Variants in PHLDB2 observed in about 807,000 individuals in gnomAD.
PHLDB2 encodes pleckstrin homology like domain family B member 2.
A neutral mutation model predicts 123.6 loss-of-function variants in PHLDB2; 71 were observed. The ratio of observed to expected loss-of-function variants is 0.57; its 90% CI spans 0.47 to 0.70. PHLDB2 has a LOEUF of 0.70. PHLDB2 is among the 30% of genes least tolerant of loss of function. The pLI is 0.00. For synonymous variants in PHLDB2, 547 were observed against 541.6 expected, an observed-to-expected ratio of 1.01 and a Z score of -0.14; for missense variants, 1,446 against 1,519.5, an observed-to-expected ratio of 0.95 and a Z score of 0.80.
At chr3:111,743,844 C>A (rs899925535) in intron 1 of PHLDB2, among the ~76,000 whole-genome samples, 4 of 152,162 alleles carry the variant, frequency 2.6e-5, no homozygotes, top group Non-Finnish European at 5.9e-5. Context: ...GTTGAATTTT[C>A]TGATTCTTTT....
chr3:111,826,491 AGGTACGTGGGCAAT>A (rs911099894), intron 1 of PHLDB2, among the ~76,000 whole-genome samples: 5 of 152,190 alleles, frequency 3.3e-5, no homozygotes, highest in African/African-American at 1.2e-4. Context: ...TAGTTTTCTT[AGGTACGTGGGCAAT>A]CCTAAACACT....
chr3:111,735,336 C>G (rs963901939), intron 1 of PHLDB2, among the ~76,000 whole-genome samples: 2 of 152,120 alleles, frequency 1.3e-5, no homozygotes, highest in Non-Finnish European at 2.9e-5. Flanking sequence ...GTCATTTGAG[C>G]AGTGAATGAG....
rs114460327 is a variant in PHLDB2, at chr3:111,954,105, G to A, written c.2872+76G>A. 2,179 of 1,340,914 alleles carry A rather than the reference G, an allele frequency of 1.6e-3. 29 individuals carry two copies. In the African/African-American group the frequency reaches 0.026, roughly 16 times the overall value. 83.1% of individuals were successfully genotyped at this position (1,340,914 alleles called of 1,614,324 possible). On this transcript the variant is annotated intron_variant, in intron 12 of 17. Coordinates refer to ENST00000431670, the MANE Select transcript of PHLDB2 (RefSeq NM_001134438.2). The stretch of plus-strand genomic sequence containing the variant: ...TCTTCAGGGGGAGGAAGTGAGAACA[G>A]GGGTAGGGATGATTAGAGGAGGGAT...
intron 1 of PHLDB2, among the ~76,000 whole-genome samples, chr3:111,778,069 T>C (rs1307535668): frequency 2.6e-5 from 4 of 152,118 alleles, no homozygotes. Flanking sequence ...TGGGCACTCA[T>C]ACAACCTCTC....
chr3:111,905,789 A>G (rs2067489596), intron 2 of PHLDB2, among the ~76,000 whole-genome samples: 1 of 152,226 alleles, frequency 6.6e-6, no homozygotes, highest in South Asian at 2.1e-4. Flanking sequence ...ATATTATGTT[A>G]CAACAGCTAT....
At chr3:111,768,138 T>C (rs1328594430) in intron 1 of PHLDB2, among the ~76,000 whole-genome samples, 3 of 152,192 alleles carry the variant, frequency 2.0e-5, no homozygotes, top group Non-Finnish European at 4.4e-5. Context: ...AGGAAAGCTA[T>C]TGTTTGCCCT....
chr3:111,808,122 C>T (rs2061677311), intron 1 of PHLDB2, among the ~76,000 whole-genome samples: 1 of 151,966 alleles, frequency 6.6e-6, no homozygotes, highest in Non-Finnish European at 1.5e-5. Flanking sequence ...TAAAGTTTCT[C>T]CTGGCAATAT....
chr3:111,756,363 G>T (rs2059889057), intron 1 of PHLDB2, among the ~76,000 whole-genome samples: 1 of 152,140 alleles, frequency 6.6e-6, no homozygotes, highest in Non-Finnish European at 1.5e-5. Context: ...ATATATTTAG[G>T]ATAGTTAGCT....
intron 1 of PHLDB2, among the ~76,000 whole-genome samples, chr3:111,787,204 A>G (rs1369402123): frequency 1.3e-5 from 2 of 152,174 alleles, no homozygotes; most frequent in Non-Finnish European, 2.9e-5. Flanking sequence ...AGATATCTCA[A>G]ATATACCCCA....
intron 1 of PHLDB2, among the ~76,000 whole-genome samples, chr3:111,810,160 A>C (rs1285678539): frequency 6.6e-6 from 1 of 152,162 alleles, no homozygotes; most frequent in Admixed American, 6.5e-5. Flanking sequence ...TATTAAGCCA[A>C]ATGCAAGGTG....
chr3:111,770,073 A>T (rs923128877), intron 1 of PHLDB2, among the ~76,000 whole-genome samples: 1 of 152,226 alleles, frequency 6.6e-6, no homozygotes. Flanking sequence ...AGGATCTTCA[A>T]TTCATTAATG....
chr3:111,883,650 T>C (rs190493829), intron 1 of PHLDB2, among the ~76,000 whole-genome samples: 1 of 152,210 alleles, frequency 6.6e-6, no homozygotes, highest in South Asian at 2.1e-4. Context: ...TTCTGAACAG[T>C]TAATGATTCT....
At chr3:111,776,528 A>T (rs557407159) in intron 1 of PHLDB2, among the ~76,000 whole-genome samples, 2 of 152,118 alleles carry the variant, frequency 1.3e-5, no homozygotes, top group African/African-American at 2.4e-5. Flanking sequence ...AGCATCCTGG[A>T]AAGTTTAGCT....
intron 1 of PHLDB2, among the ~76,000 whole-genome samples, chr3:111,763,803 C>G (rs181721916): frequency 2.4e-4 from 36 of 152,220 alleles, no homozygotes; most frequent in African/African-American, 7.7e-4. Flanking sequence ...GAGAAGGCAC[C>G]ATTCGTGAAC....
At chr3:111,773,873 T>C (rs1344662906) in intron 1 of PHLDB2, among the ~76,000 whole-genome samples, 1 of 152,216 alleles carries the variant, frequency 6.6e-6, no homozygotes, top group African/African-American at 2.4e-5. Flanking sequence ...TACTACCATG[T>C]CACTTCTTGT....
chr3:111,911,598 G>T, intron 2 of PHLDB2: 1 of 1,534,220 alleles, frequency 6.5e-7, no homozygotes, highest in South Asian at 1.2e-5. Flanking sequence ...AAGTACCAGG[G>T]CTCCTGGATG....
chr3:111,769,316 T>C (rs1410207316), intron 1 of PHLDB2, among the ~76,000 whole-genome samples: 1 of 152,212 alleles, frequency 6.6e-6, no homozygotes, highest in African/African-American at 2.4e-5. Context: ...TAGGTAATAA[T>C]GTTCTGGGAG....
intron 6 of PHLDB2, among the ~76,000 whole-genome samples, chr3:111,933,019 A>G (rs556684690): frequency 6.6e-6 from 1 of 152,362 alleles, no homozygotes; most frequent in African/African-American, 2.4e-5. Flanking sequence ...AGCTTTATCA[A>G]GTTATTCTTT....
chr3:111,828,928 G>A (rs960917746), intron 1 of PHLDB2, among the ~76,000 whole-genome samples: 2 of 152,132 alleles, frequency 1.3e-5, no homozygotes, highest in African/African-American at 4.8e-5. Context: ...ACATCACAGT[G>A]GTCCTCTGGT....
Sources: gnomAD v4.1 joint callset for allele counts (sites outside exome capture counted in the v4.1 genomes callset) on GRCh38, gnomAD v4.1.1 for gene constraint, MANE v1.5 for transcripts, NCBI Gene and HGNC (gene_info 2026-07-23, HGNC 2026-07-21) for gene names.